CXCL13: variants seen among roughly 807,000 people sequenced by gnomAD.
CXCL13 encodes C-X-C motif chemokine ligand 13, also known as C-X-C motif chemokine 13.
Under a neutral mutation model 12.2 loss-of-function variants are expected in CXCL13, and 7 were observed. The ratio of observed to expected loss-of-function variants is 0.57; its 90% confidence interval spans 0.33 to 1.07. CXCL13 has a LOEUF of 1.07. Ranked by LOEUF, CXCL13 falls within the 50% of genes least tolerant of loss-of-function variation. The pLI is 0.04. For synonymous variants in CXCL13, 47 were observed against 42.4 expected (o/e 1.11, Z -0.42); for missense variants, 113 against 127.4 (o/e 0.89, Z 0.55).
intron 1 of CXCL13, among the ~76,000 whole-genome samples, chr4:77,575,086 G>T (rs192809031): frequency 3.3e-5 from 5 of 151,778 alleles, no homozygotes; most frequent in Non-Finnish European, 5.9e-5. Flanking sequence ...AAATTCAAAA[G>T]GTTATTGTAT....
chr4:77,567,293 T>A (rs2109816325), intron 1 of CXCL13, among the ~76,000 whole-genome samples: 1 of 152,296 alleles, frequency 6.6e-6, no homozygotes, highest in Non-Finnish European at 1.5e-5. Context: ...CTCAGCCCAC[T>A]TGCACCCAGG....
chr4:77,532,299 C>T (rs1243397749), intron 1 of CXCL13, among the ~76,000 whole-genome samples: 4 of 152,160 alleles, frequency 2.6e-5, no homozygotes, highest in African/African-American at 7.2e-5. Flanking sequence ...TTCTCCTTCA[C>T]TTATGAAGCT....
chr4:77,600,970 C>T (rs1306071517), upstream of CXCL13, among the ~76,000 whole-genome samples: 1 of 152,054 alleles, frequency 6.6e-6, no homozygotes, highest in Admixed American at 6.6e-5. Context: ...TGAAATAATG[C>T]AACACACCCC....
rs1001164744 is a variant in CXCL13, at chr4:77,610,875, C to T, written c.279-113C>T. On this transcript the variant is annotated intron_variant, in intron 3 of 3. Transcript: ENST00000682537. ...TAGCTCATTCCAGCAGCTCAGTAAA[C>T]CAAACTAGATGCCAGTATACATAAG... The T allele has an allele frequency of 4.3e-5, 44 of 1,017,880 alleles. No individual in the cohort carries two copies. In the South Asian group the frequency reaches 5.8e-4, roughly 14 times the overall value. The allele number at this position is 1,017,880 out of a possible 1,614,324, so 63.1% of individuals were successfully genotyped here.
At chr4:77,525,918 T>TG (rs1298656233) in intron 1 of CXCL13, among the ~76,000 whole-genome samples, 13 of 138,354 alleles carry the variant, frequency 9.4e-5, no homozygotes, top group African/African-American at 3.6e-4. Context: ...AATTGTGGGT[T>TG]TGTTTTTTTT....
chr4:77,606,322 G>A (rs796299896), intron 1 of CXCL13, among the ~76,000 whole-genome samples: 3 of 152,266 alleles, frequency 2.0e-5, no homozygotes, highest in African/African-American at 7.2e-5. Flanking sequence ...GTCTCTTGCA[G>A]TGAACATGCT....
At chr4:77,571,986 C>T (rs1578059657) in intron 1 of CXCL13, among the ~76,000 whole-genome samples, 1 of 151,780 alleles carries the variant, frequency 6.6e-6, no homozygotes, top group Admixed American at 6.5e-5. Flanking sequence ...CCTGAGCCAG[C>T]AAGACCACGA....
chr4:77,539,284 C>A (rs1369216350), intron 1 of CXCL13, among the ~76,000 whole-genome samples: 3 of 152,084 alleles, frequency 2.0e-5, no homozygotes, highest in Non-Finnish European at 4.4e-5. Flanking sequence ...AAACTACACA[C>A]CCAGCTAATT....
At chr4:77,547,186 C>A (rs560538996) in intron 1 of CXCL13, among the ~76,000 whole-genome samples, 1 of 152,134 alleles carries the variant, frequency 6.6e-6, no homozygotes, top group Admixed American at 6.6e-5. Context: ...GGTATAAGTG[C>A]ACTGTGGTGC....
chr4:77,583,108 C>T (rs1726377851), intron 1 of CXCL13, among the ~76,000 whole-genome samples: 1 of 152,216 alleles, frequency 6.6e-6, no homozygotes, highest in South Asian at 2.1e-4. Context: ...CCCTCCTCAG[C>T]TCTTCCTTAG....
intron 1 of CXCL13, among the ~76,000 whole-genome samples, chr4:77,559,595 G>A (rs942591268): frequency 2.6e-5 from 4 of 151,902 alleles, no homozygotes; most frequent in Admixed American, 2.6e-4. Context: ...TATGCCGTGT[G>A]TGTGTGTGTG....
intron 1 of CXCL13, among the ~76,000 whole-genome samples, chr4:77,547,404 C>A (rs1297306285): frequency 6.6e-6 from 1 of 152,184 alleles, no homozygotes; most frequent in Admixed American, 6.5e-5. Context: ...CTTTATGAAT[C>A]TGGATGCTCC....
chr4:77,605,465 A>G (rs1726979067), upstream of CXCL13, among the ~76,000 whole-genome samples: 1 of 152,120 alleles, frequency 6.6e-6, no homozygotes. Context: ...GTATATATCT[A>G]ATGCCACTGA....
intron 1 of CXCL13, among the ~76,000 whole-genome samples, chr4:77,543,372 G>C (rs1180190130): frequency 1.3e-5 from 2 of 151,906 alleles, no homozygotes; most frequent in African/African-American, 4.8e-5. Context: ...GTACTGCTCT[G>C]AGTTTAGTTC....
At chr4:77,555,607 C>T (rs1046014991) in intron 1 of CXCL13, among the ~76,000 whole-genome samples, 3 of 151,948 alleles carry the variant, frequency 2.0e-5, no homozygotes, top group African/African-American at 7.2e-5. Flanking sequence ...AAACCTGGAG[C>T]AGACAAAGAT....
chr4:77,573,520 T>C (rs1726141913), intron 1 of CXCL13, among the ~76,000 whole-genome samples: 1 of 151,776 alleles, frequency 6.6e-6, no homozygotes. Context: ...AGTCCAAGCA[T>C]TTTTCAAGTT....
Position 77,561,256 on chromosome 4 carries a change from G to C in CXCL13, c.-42-44568G>C, listed in dbSNP as rs186093059. Among the ~76,000 whole-genome samples the C allele has an allele frequency of 3.3e-5, 5 of 152,302 alleles. No homozygotes were observed. In the East Asian group the frequency reaches 9.7e-4, roughly 29 times the overall value. On this transcript the variant is annotated intron_variant, in intron 1 of 4. Transcript: ENST00000286758. ...TACCTGGAGGCCTGTTAGAAATGTA[G>C]AAAATTGTCCCCCACCCAGATATGC...
chr4:77,542,872 G>C (rs1454728162), intron 1 of CXCL13, among the ~76,000 whole-genome samples: 2 of 152,094 alleles, frequency 1.3e-5, no homozygotes, highest in Non-Finnish European at 2.9e-5. Context: ...GGTGATGCTA[G>C]CTTTGTAGAA....
At chr4:77,533,288 C>A (rs1219280954) in intron 1 of CXCL13, among the ~76,000 whole-genome samples, 1 of 152,228 alleles carries the variant, frequency 6.6e-6, no homozygotes, top group African/African-American at 2.4e-5. Context: ...TTGGAGTTTG[C>A]TGGAGGTCTA....
Sources: gnomAD v4.1 joint callset for allele counts (sites outside exome capture counted in the v4.1 genomes callset) on GRCh38, gnomAD v4.1.1 for gene constraint, MANE v1.5 for transcripts, NCBI Gene and HGNC (gene_info 2026-07-23, HGNC 2026-07-21) for gene names.